BCAS3: variants seen among roughly 807,000 people sequenced by gnomAD.
The protein encoded by BCAS3 is BCAS4/BCAS3 fusion.
A neutral mutation model predicts 116.1 loss-of-function variants in BCAS3; 53 were observed. The observed-to-expected ratio is 0.46, with a 90% CI of 0.37 to 0.57. BCAS3 has a LOEUF of 0.57. Ranked by LOEUF, BCAS3 falls within the 20% of genes least tolerant of loss-of-function variation. BCAS3 has a pLI of 0.00. For synonymous variants in BCAS3, 391 were observed against 408.2 expected (o/e 0.96, Z 0.51); for missense variants, 917 against 1,165.4 (o/e 0.79, Z 3.10).
rs189268549 is a variant in BCAS3 at position 60,934,951 on chromosome 17, G to C, written c.1087+10451G>C. ...AGGTGGGCGAATCACTTGGGTTCAG[G>C]AGCTTCAGACCAGCCTTCCAACATG... On this transcript the variant is annotated intron_variant, in intron 13 of 23. Coordinates refer to ENST00000407086, the MANE Select transcript of BCAS3 (RefSeq NM_017679.5). Among the ~76,000 whole-genome samples, 61 of 152,220 alleles carry C rather than the reference G, an allele frequency of 4.0e-4. No homozygotes were observed. In the East Asian group the frequency reaches 0.011, roughly 28 times the overall value.
At chr17:60,932,423 A>G (rs2059695957) in intron 13 of BCAS3, among the ~76,000 whole-genome samples, 1 of 152,168 alleles carries the variant, frequency 6.6e-6, no homozygotes, top group South Asian at 2.1e-4. Context: ...AATAAAATCA[A>G]CTTATGTCTA....
At chr17:61,071,186 CCTTT>C (rs1254591182) in intron 19 of BCAS3, among the ~76,000 whole-genome samples, 1 of 152,046 alleles carries the variant, frequency 6.6e-6, no homozygotes, top group African/African-American at 2.4e-5. Context: ...AATGATAGTA[CCTTT>C]CTATTTTAAA....
In BCAS3 at chr17:61,124,211, A is replaced by C. The variant is rs1273478120; in HGVS notation, c.2425+39647A>C. Among the ~76,000 whole-genome samples, 1 of 152,092 alleles carries C rather than the reference A, an allele frequency of 6.6e-6. No homozygotes were observed. The highest frequency in any genetic ancestry group is 1.5e-5 in the Non-Finnish European group (1 of 68,018). On this transcript the variant is annotated intron_variant, in intron 22 of 23. Coordinates refer to ENST00000407086, the MANE Select transcript of BCAS3 (RefSeq NM_017679.5). This position sits in a 1 kb window ranked among gnomAD's most constrained non-coding sequence, Gnocchi z 4.6. ...TTTCCTATTGGCTTCTTTAGCTGGA[A>C]AAATTATTTCTACAGGACAATAAAA...
At chr17:60,757,980 A>T (rs766055544) in intron 6 of BCAS3, among the ~76,000 whole-genome samples, 1 of 152,068 alleles carries the variant, frequency 6.6e-6, no homozygotes, top group African/African-American at 2.4e-5. Context: ...ATGCATATGG[A>T]TATTGAATTT....
At chr17:60,979,537 A>G (rs1315862025) in intron 14 of BCAS3, among the ~76,000 whole-genome samples, 1 of 148,744 alleles carries the variant, frequency 6.7e-6, no homozygotes, top group African/African-American at 2.6e-5. Flanking sequence ...ACTATGTTGA[A>G]TAGGAGTGGT....
At chr17:60,799,226 T>C (rs2047480942) in intron 6 of BCAS3, among the ~76,000 whole-genome samples, 1 of 152,238 alleles carries the variant, frequency 6.6e-6, no homozygotes, top group Non-Finnish European at 1.5e-5. Context: ...CTCTTTATTC[T>C]GTCTTCCATT....
At position 61,140,444 on chromosome 17, in the gene BCAS3, G is replaced by A. The variant is rs2076859172; in HGVS notation, c.2425+55880G>A. ...CAAGAGATGGAAGGTTTTGAGTTGGGGAAAAGTATTCTGGCAGCAGGATTG... is the reference window on the plus strand; with the variant it reads ...CAAGAGATGGAAGGTTTTGAGTTGGAGAAAAGTATTCTGGCAGCAGGATTG... On this transcript the variant is annotated intron_variant, in intron 22 of 23. Transcript: ENST00000407086. This position sits in a 1 kb window ranked among gnomAD's most constrained non-coding sequence, Gnocchi z 4.2. 6.6e-6 allele frequency among the ~76,000 whole-genome samples: 1 copy of A among 152,182 alleles called. No homozygotes were observed. Among genetic ancestry groups the A allele is most frequent in the Non-Finnish European group, 1.5e-5 (1 of 68,028 alleles).
At chr17:61,304,757 CTTT>C (rs67145055) in intron 22 of BCAS3, among the ~76,000 whole-genome samples, 2 of 144,580 alleles carry the variant, frequency 1.4e-5, no homozygotes. Flanking sequence ...CTTCCCAATC[CTTT>C]TTTTTTTTTT....
intron 5 of BCAS3, among the ~76,000 whole-genome samples, chr17:60,738,989 A>T (rs780073762): frequency 1.3e-5 from 2 of 151,574 alleles, no homozygotes; most frequent in South Asian, 4.2e-4. Flanking sequence ...TGAGCATTTT[A>T]TATGATGTTG....
chr17:61,173,858 G>A (rs1601723610), intron 22 of BCAS3, among the ~76,000 whole-genome samples: 1 of 152,222 alleles, frequency 6.6e-6, no homozygotes, highest in East Asian at 1.9e-4. Context: ...TCCAGCCTAG[G>A]TGACAGAGTG....
Position 61,327,414 on chromosome 17 carries a change from T to C in BCAS3, c.2426-40913T>C, listed in dbSNP as rs2055826098. 6.6e-6 allele frequency among the ~76,000 whole-genome samples: 1 copy of C among 152,200 alleles called. No homozygotes were observed. ...TACAAGTTAATATAATAAATGTAAA[T>C]GTTTATGACATCATAGAATTGTAAT... On this transcript the variant is annotated intron_variant, in intron 22 of 23. Coordinates refer to ENST00000407086, the MANE Select transcript of BCAS3 (RefSeq NM_017679.5). This position sits in a 1 kb window ranked among gnomAD's most constrained non-coding sequence, Gnocchi z 5.9.
rs2080931350 is a variant in BCAS3 at position 61,203,065 on chromosome 17, A to G, written c.2425+118501A>G. On this transcript the variant is annotated intron_variant, in intron 22 of 23. Coordinates refer to ENST00000407086, the MANE Select transcript of BCAS3 (RefSeq NM_017679.5). This position sits in a 1 kb window ranked among gnomAD's most constrained non-coding sequence, Gnocchi z 5.7. ...GTGCACTAGCTCTCTCTTCAAAAAA[A>G]TTATTTAAGTTACATTAAATTTTAT... 6.6e-6 allele frequency among the ~76,000 whole-genome samples: 1 copy of G among 152,192 alleles called. No individual in the cohort carries two copies. The highest frequency in any genetic ancestry group is 6.5e-5 in the Admixed American group (1 of 15,280).
intron 22 of BCAS3, among the ~76,000 whole-genome samples, chr17:61,353,148 C>CCTG (rs2057951174): frequency 6.6e-6 from 1 of 152,186 alleles, no homozygotes; most frequent in Non-Finnish European, 1.5e-5. Context: ...TCTGTCTGCT[C>CCTG]CTGCTTCTGT....
At chr17:60,902,740 G>T (rs2057978588) in intron 11 of BCAS3, 37 bp downstream of exon 11, 1 of 1,439,496 alleles carries the variant, frequency 6.9e-7, no homozygotes, top group Admixed American at 1.7e-5. Flanking sequence ...TTGTGGTTAT[G>T]TGTAGTAATT....
At chr17:60,941,167 G>A (rs929218067) in intron 13 of BCAS3, among the ~76,000 whole-genome samples, 2 of 152,206 alleles carry the variant, frequency 1.3e-5, no homozygotes, top group African/African-American at 2.4e-5. Flanking sequence ...TAAACATACA[G>A]AAGTGCCTAA....
At position 61,140,066 on chromosome 17, in the gene BCAS3, T is replaced by C. The variant is rs1306820835; in HGVS notation, c.2425+55502T>C. 6.6e-6 allele frequency among the ~76,000 whole-genome samples: 1 copy of C among 152,030 alleles called. No individual in the cohort carries two copies. Among genetic ancestry groups the C allele is most frequent in the Non-Finnish European group, 1.5e-5 (1 of 68,008 alleles). On this transcript the variant is annotated intron_variant, in intron 22 of 23. Coordinates refer to ENST00000407086, the MANE Select transcript of BCAS3 (RefSeq NM_017679.5). This position sits in a 1 kb window ranked among gnomAD's most constrained non-coding sequence, Gnocchi z 4.2. ...GACTGGCCAATATAGTGAAACCCCA[T>C]CTCTACTAAAAATACAAAAAATTAG...
In BCAS3 at chr17:61,362,857, G is replaced by A. The variant is rs944111533; in HGVS notation, c.2426-5470G>A. On this transcript the variant is annotated intron_variant, in intron 22 of 23. Coordinates refer to ENST00000407086, the MANE Select transcript of BCAS3 (RefSeq NM_017679.5). The surrounding 1 kb of genome is among the most constrained non-coding windows in gnomAD (Gnocchi z 4.4). ...GAGTAAAATTGTGACATTGTTTTCT[G>A]CTCACTTATCTTCTTCTTCCTTCCT... 2 of 152,110 alleles carry A rather than the reference G, an allele frequency of 1.3e-5. No homozygotes were observed. Among genetic ancestry groups the A allele is most frequent in the East Asian group, 3.9e-4 (2 of 5,186 alleles). The allele number at this position is 152,110 out of a possible 1,614,324, so 9.4% of individuals were successfully genotyped here.
chr17:61,303,489 G>A (rs572116855), intron 22 of BCAS3, among the ~76,000 whole-genome samples: 6 of 152,254 alleles, frequency 3.9e-5, no homozygotes, highest in Non-Finnish European at 5.9e-5. Context: ...CTCAGCTTCC[G>A]GGATGGTGAT....
At chr17:61,031,595 T>C (rs2066644184) in intron 16 of BCAS3, among the ~76,000 whole-genome samples, 1 of 152,112 alleles carries the variant, frequency 6.6e-6, no homozygotes, top group South Asian at 2.1e-4. Context: ...TATTTTTATG[T>C]TTTTATTTTG....
Sources: allele counts gnomAD v4.1 joint callset (sites outside exome capture counted in the v4.1 genomes callset), GRCh38; gene constraint gnomAD v4.1.1; non-coding constraint Gnocchi (gnomAD v3.1); transcripts MANE v1.5; gene names NCBI Gene and HGNC (gene_info 2026-07-23, HGNC 2026-07-21).